The following RASSF5 variants were observed in gnomAD, a reference collection of about 807,000 sequenced individuals.
RASSF5 encodes ras association domain-containing protein 5.
RASSF5 carries 25 observed loss-of-function variants against 40.5 expected under a neutral mutation model. That is an observed-to-expected ratio of 0.62 (90% CI 0.45 to 0.86). The LOEUF (loss-of-function observed/expected upper bound fraction) is 0.86. Among genes scored for constraint, RASSF5 ranks in the 40% least tolerant of loss-of-function variants. RASSF5 has a pLI of 0.00. For synonymous variants in RASSF5, 246 were observed against 252.4 expected (o/e 0.97, Z 0.24); for missense variants, 521 against 572.8 (o/e 0.91, Z 0.92).
At chr1:206,554,962 A>G (rs1054295827) in intron 2 of RASSF5, among the ~76,000 whole-genome samples, 2 of 152,038 alleles carry the variant, frequency 1.3e-5, no homozygotes, top group African/African-American at 2.4e-5. Context: ...GACATTAACT[A>G]GAAGTCAAGA....
rs1006706460 is a variant in RASSF5 at position 206,507,786 on chromosome 1, G to T, written c.184G>T (p.Ala62Ser). The change falls in exon 1 of 6, where the codon GCC becomes TCC. Residue 62 changes from alanine (A) to serine (S), a missense_variant. Around this residue, in one of 2 missense-constraint regions of RASSF5, gnomAD observed 237 missense variants for 212.0 expected, o/e 1.12. Coordinates refer to ENST00000579436, the MANE Select transcript of RASSF5 (RefSeq NM_182663.4). The part of the protein sequence containing the change: ...TAPGAREGRS[A>S]RRAARGNLEP... ...GCCCGGGGCGCGCGAGGGGCGCAGC[G>T]CCCGGAGGGCTGCCCGGGGGAACCT... is the stretch of plus-strand genomic sequence containing the variant. 4.5e-5 allele frequency: 62 copies of T among 1,389,538 alleles called. No individual in the cohort carries two copies. In the East Asian group the frequency reaches 1.9e-3, roughly 42 times the overall value. 86.1% of individuals were successfully genotyped at this position (1,389,538 alleles called of 1,614,324 possible). A position where few individuals can be genotyped will look rare whatever the true frequency, so the allele number is the denominator to read the frequency against.
At chr1:206,578,927 A>C (rs1252235058) in intron 2 of RASSF5, among the ~76,000 whole-genome samples, 2 of 152,220 alleles carry the variant, frequency 1.3e-5, no homozygotes, top group Non-Finnish European at 2.9e-5. Flanking sequence ...AAAGAAAAAC[A>C]GCTTAGGGCA....
At chr1:206,520,531 C>G (rs192917739) in intron 1 of RASSF5, among the ~76,000 whole-genome samples, 2,195 of 149,880 alleles carry the variant, frequency 0.015, 28 homozygotes, top group Non-Finnish European at 0.02. Context: ...TGCTTGAATC[C>G]GGGAGGCGGA....
chr1:206,507,686 G>T lies in RASSF5; in HGVS notation c.84G>T (p.Leu28=). Residue 28 remains leucine, a synonymous_variant, in exon 1 of 6, where the codon CTG becomes CTT. Coordinates refer to ENST00000579436, the MANE Select transcript of RASSF5 (RefSeq NM_182663.4). ...AGCCGCCGCGCTATCTACAGAGCCTGAGCGGCCCCGAGCTACCGCCGCCGC... is the reference window on the plus strand; with the variant it reads ...AGCCGCCGCGCTATCTACAGAGCCTTAGCGGCCCCGAGCTACCGCCGCCGC... ...DPEPPRYLQS[L]SGPELPPPPP... is the part of the protein sequence containing the mutation. 6.7e-7 allele frequency: 1 copy of T among 1,499,974 alleles called. No individual in the cohort carries two copies. The highest frequency in any genetic ancestry group is 8.8e-7 in the Non-Finnish European group (1 of 1,131,074). 92.9% of individuals were successfully genotyped at this position (1,499,974 alleles called of 1,614,324 possible). A position where few individuals can be genotyped will look rare whatever the true frequency, so the allele number is the denominator to read the frequency against.
At position 206,585,211 on chromosome 1, in the gene RASSF5, C is replaced by T. The variant is rs1553407358; in HGVS notation, c.1020C>T (p.Arg340=). The part of the protein sequence containing the change: ...VLFQKLSIAD[R]PLYLRLLAGP... ...TCCAGAAACTCTCCATTGCTGACCG[C>T]CCCCTCTACCTGCGCCTGCTTGCTG... is the stretch of plus-strand genomic sequence containing the variant. Residue 340 remains arginine (R), a synonymous_variant, in exon 5 of 6, where the codon CGC becomes CGT. Coordinates refer to ENST00000579436, the MANE Select transcript of RASSF5 (RefSeq NM_182663.4). The T allele has an allele frequency of 6.2e-7, 1 of 1,614,134 alleles. No homozygotes were observed. Among genetic ancestry groups the T allele is most frequent in the Admixed American group, 1.7e-5 (1 of 60,028 alleles).
intron 2 of RASSF5, among the ~76,000 whole-genome samples, chr1:206,573,095 G>A (rs1291716342): frequency 6.6e-6 from 1 of 152,200 alleles, no homozygotes; most frequent in Non-Finnish European, 1.5e-5. Context: ...TGCTTACTGT[G>A]TACTTTGTGC....
chr1:206,509,434 G>C (rs540119196), intron 1 of RASSF5, among the ~76,000 whole-genome samples: 1 of 152,264 alleles, frequency 6.6e-6, no homozygotes, highest in Admixed American at 6.5e-5. Context: ...GTAAAGGTTT[G>C]TAGAGGTACA....
At chr1:206,533,861 A>G (rs1250910225) in intron 1 of RASSF5, among the ~76,000 whole-genome samples, 1 of 152,192 alleles carries the variant, frequency 6.6e-6, no homozygotes, top group Admixed American at 6.5e-5. Flanking sequence ...CTGGAGTAGG[A>G]TGGCCTCCTG....
Position 206,542,298 on chromosome 1 carries a change from A to G in RASSF5, c.579+4005A>G, listed in dbSNP as rs548110144. ...CATGAATGACTTGGTGCTGTCCTGCAATAATGAATGAGCTCTCGCTCTATT... is the reference window on the plus strand; with the variant it reads ...CATGAATGACTTGGTGCTGTCCTGCGATAATGAATGAGCTCTCGCTCTATT... On this transcript the variant is annotated intron_variant, in intron 2 of 5. Coordinates refer to ENST00000579436, the MANE Select transcript of RASSF5 (RefSeq NM_182663.4). The G allele has an allele frequency of 8.3e-4, 127 of 152,300 alleles. 2 individuals carry two copies. Among genetic ancestry groups the G allele is most frequent in the African/African-American group, 2.9e-3 (119 of 41,552 alleles). 9.4% of individuals were successfully genotyped at this position (152,300 alleles called of 1,614,324 possible).
chr1:206,569,055 G>A (rs1668365944), intron 2 of RASSF5, among the ~76,000 whole-genome samples: 1 of 152,228 alleles, frequency 6.6e-6, no homozygotes, highest in African/African-American at 2.4e-5. Flanking sequence ...AGGCTGGGAA[G>A]TCCCCACTAC....
At chr1:206,554,941 G>A (rs1366076613) in intron 2 of RASSF5, among the ~76,000 whole-genome samples, 3 of 152,348 alleles carry the variant, frequency 2.0e-5, no homozygotes, top group East Asian at 1.9e-4. Context: ...CTGGGACAGG[G>A]TAGGGAAAGA....
chr1:206,513,664 T>A lies in RASSF5; in HGVS notation c.457+5605T>A, dbSNP rs1250206571. On this transcript the variant is annotated intron_variant, in intron 1 of 5. Transcript: ENST00000579436. The surrounding 1 kb of genome is among the most constrained non-coding windows in gnomAD (Gnocchi z 5.0). ...GGCAGCTGGGAAGGCCGGGCCTGACTGGGGAGATGGTTTTGCATTTAGTCA... is the reference window on the plus strand; with the variant it reads ...GGCAGCTGGGAAGGCCGGGCCTGACAGGGGAGATGGTTTTGCATTTAGTCA... Among the ~76,000 whole-genome samples the A allele has an allele frequency of 6.6e-6, 1 of 152,176 alleles. No individual in the cohort carries two copies. The highest frequency in any genetic ancestry group is 1.5e-5 in the Non-Finnish European group (1 of 68,036).
rs916893211 is a variant in RASSF5 at position 206,533,930 on chromosome 1, C to T, written c.458-4242C>T. Among the ~76,000 whole-genome samples, 16 of 152,240 alleles carry T rather than the reference C, an allele frequency of 1.1e-4. No homozygotes were observed. The East Asian group carries it at 2.3e-3, about 22-fold the overall frequency. On this transcript the variant is annotated intron_variant, in intron 1 of 5. Coordinates refer to ENST00000579436, the MANE Select transcript of RASSF5 (RefSeq NM_182663.4). ...GAAGCACAGGGAGAACGCCACGTGA[C>T]GATGGACACAGAGGCTGGAGTCATG...
At chr1:206,586,742 G>T in intron 5 of RASSF5, 84 bp from the exon 6 acceptor site, 1 of 1,030,800 alleles carries the variant, frequency 9.7e-7, no homozygotes, top group South Asian at 1.5e-5. Flanking sequence ...GGAAGGGGAA[G>T]GCAGCAGGGT....
At chr1:206,511,221 T>C (rs1489328249) in intron 1 of RASSF5, among the ~76,000 whole-genome samples, 15 of 152,112 alleles carry the variant, frequency 9.9e-5, no homozygotes, top group Admixed American at 9.8e-4. Context: ...TGTGAGCCCA[T>C]GTGTGTGTTT....
At chr1:206,508,259 C>T (rs1403875655) in intron 1 of RASSF5, among the ~76,000 whole-genome samples, 200 bp downstream of exon 1, 1 of 152,090 alleles carries the variant, frequency 6.6e-6, no homozygotes, top group Non-Finnish European at 1.5e-5. Context: ...TGCCCACTAC[C>T]TAGGTATGGT....
rs1669014698 is a variant in RASSF5 at position 206,584,305 on chromosome 1, G to C, written c.691-82G>C. ...GAACTCAAGGAGACAGGTGGGTGCT[G>C]CTGGGGCAATGGCCCCGAGTGGCAG... On this transcript the variant is annotated intron_variant, in intron 3 of 5. Coordinates refer to ENST00000579436, the MANE Select transcript of RASSF5 (RefSeq NM_182663.4). The surrounding 1 kb of genome is among the most constrained non-coding windows in gnomAD (Gnocchi z 4.9). The C allele has an allele frequency of 7.3e-7, 1 of 1,378,020 alleles. No homozygotes were observed. The highest frequency in any genetic ancestry group is 1.4e-5 in the South Asian group (1 of 72,950). 85.4% of individuals were successfully genotyped at this position (1,378,020 alleles called of 1,614,324 possible).
chr1:206,522,409 T>C (rs1666930298), intron 1 of RASSF5, among the ~76,000 whole-genome samples: 1 of 152,184 alleles, frequency 6.6e-6, no homozygotes, highest in Non-Finnish European at 1.5e-5. Context: ...TGCTGTGTCT[T>C]TGCACTTCTC....
Position 206,584,584 on chromosome 1 carries a change from C to T in RASSF5, c.888C>T (p.Thr296=). ...AIKQLHISST[T]TVSEVIQGLL... ...AGCAGCTGCACATCAGCAGCACCAC[C>T]ACCGTCAGTGAGGTCATCCAGGGGC... is the stretch of plus-strand genomic sequence containing the variant. Residue 296 remains threonine, a synonymous_variant, in exon 4 of 6, where the codon ACC becomes ACT. Coordinates refer to ENST00000579436, the MANE Select transcript of RASSF5 (RefSeq NM_182663.4). The surrounding 1 kb of genome is among the most constrained non-coding windows in gnomAD (Gnocchi z 4.9). 1 of 1,614,220 alleles carries T rather than the reference C, an allele frequency of 6.2e-7. No individual in the cohort carries two copies. Among genetic ancestry groups the T allele is most frequent in the Non-Finnish European group, 8.5e-7 (1 of 1,180,040 alleles).
Sources: allele counts gnomAD v4.1 joint callset (sites outside exome capture counted in the v4.1 genomes callset), GRCh38; gene constraint gnomAD v4.1.1; regional missense constraint gnomAD v4.1.1; non-coding constraint Gnocchi (gnomAD v3.1); transcripts MANE v1.5; gene names NCBI Gene and HGNC (gene_info 2026-07-23, HGNC 2026-07-21).